LRATD2: variants seen among roughly 807,000 people sequenced by gnomAD.
The protein encoded by LRATD2 is LRAT domain containing 2.
A neutral mutation model predicts 12.0 loss-of-function variants in LRATD2; 10 were observed. That is an observed-to-expected ratio of 0.83 (90% CI 0.51 to 1.41). The LOEUF (loss-of-function observed/expected upper bound fraction) is 1.41, where lower values mean the gene tolerates loss of function less well. Among genes scored for constraint, LRATD2 ranks in the 40% most tolerant of loss-of-function variants. The pLI is 0.00. For synonymous variants in LRATD2, 220 were observed against 205.8 expected, an observed-to-expected ratio of 1.07 and a Z score of -0.59; for missense variants, 455 against 446.1, an observed-to-expected ratio of 1.02 and a Z score of -0.18.
rs1055353255 is a variant in LRATD2 at position 126,554,887 on chromosome 8, A to T, written c.*1570T>A. ...TCAAAATTCACTCAACTTTTGAGAC[A>T]GCAATGGCAATAGGCAGCAGAGAAG... On this transcript the variant is annotated 3_prime_UTR_variant, in exon 2 of 2. Coordinates refer to ENST00000304916, the MANE Select transcript of LRATD2 (RefSeq NM_174911.5). The T allele has an allele frequency of 6.6e-6, 1 of 152,108 alleles. No homozygotes were observed. The highest frequency in any genetic ancestry group is 2.1e-4 in the South Asian group (1 of 4,832). 9.4% of individuals were successfully genotyped at this position (152,108 alleles called of 1,614,324 possible).
rs1406541180 is a variant in LRATD2 at position 126,556,527 on chromosome 8, G to C, written c.863C>G (p.Thr288Ser). 2 of 1,599,964 alleles carry C rather than the reference G, an allele frequency of 1.3e-6. No homozygotes were observed. The highest frequency in any genetic ancestry group is 4.5e-5 in the East Asian group (2 of 44,398). The change falls in exon 2 of 2, where the codon ACT becomes AGT. Residue 288 changes from threonine (T) to serine (S), a missense_variant. Physicochemically the swap from Thr to Ser is moderately conservative, Grantham distance 58. Coordinates refer to ENST00000304916, the MANE Select transcript of LRATD2 (RefSeq NM_174911.5). This position sits in a 1 kb window ranked among gnomAD's most constrained non-coding sequence, Gnocchi z 5.6. ...AGGGGGGCGCCCGGGAGGCGGCGTAGTCCGCGCCACGTTGCTGTCGCCCTC... is the reference window on the plus strand; with the variant it reads ...AGGGGGGCGCCCGGGAGGCGGCGTACTCCGCGCCACGTTGCTGTCGCCCTC... ...PEEGDSNVAR[T>S]TPPPGRPPAP...
rs1817361293 is a variant in LRATD2 at position 126,555,273 on chromosome 8, ATGTGTT to A, written c.*1178_*1183del. ...AAAATAAGTATCTTACCATTGAAAT[ATGTGTT>A]CAGCCTAAGATTTTACCCACCAGCA... On this transcript the variant is annotated 3_prime_UTR_variant, in exon 2 of 2. Coordinates refer to ENST00000304916, the MANE Select transcript of LRATD2 (RefSeq NM_174911.5). 6.6e-6 allele frequency: 1 copy of A among 152,196 alleles called. No homozygotes were observed. Among genetic ancestry groups the A allele is most frequent in the African/African-American group, 2.4e-5 (1 of 41,452 alleles). 9.4% of individuals were successfully genotyped at this position (152,196 alleles called of 1,614,324 possible).
At position 126,552,984 on chromosome 8, in the gene LRATD2, A is replaced by T. The variant is rs1312649865; in HGVS notation, c.*3473T>A. On this transcript the variant is annotated 3_prime_UTR_variant, in exon 2 of 2. Transcript: ENST00000304916. ...TGGATTCCATTTTATTAAGAAAAAA[A>T]ATAGAAAACAAGTAGTCCTTAAATT... 1 of 152,680 alleles carries T rather than the reference A, an allele frequency of 6.5e-6. No individual in the cohort carries two copies. Among genetic ancestry groups the T allele is most frequent in the African/African-American group, 2.4e-5 (1 of 41,470 alleles). 9.5% of individuals were successfully genotyped at this position (152,680 alleles called of 1,614,324 possible).
At position 126,552,795 on chromosome 8, in the gene LRATD2, C is replaced by T. The variant is rs1215381591; in HGVS notation, c.*3662G>A. The T allele has an allele frequency of 6.6e-6, 1 of 152,580 alleles. No homozygotes were observed. The highest frequency in any genetic ancestry group is 1.5e-5 in the Non-Finnish European group (1 of 68,032). 9.5% of individuals were successfully genotyped at this position (152,580 alleles called of 1,614,324 possible). On this transcript the variant is annotated 3_prime_UTR_variant, in exon 2 of 2. Coordinates refer to ENST00000304916, the MANE Select transcript of LRATD2 (RefSeq NM_174911.5). ...TAGCCAAGAACAAAACAACAAAAAG[C>T]TGAATCAGTTGATAGTTACTCTGAT...
Position 126,554,561 on chromosome 8 carries a change from T to A in LRATD2, c.*1896A>T, listed in dbSNP as rs1454348565. 1 of 152,262 alleles carries A rather than the reference T, an allele frequency of 6.6e-6. No individual in the cohort carries two copies. The highest frequency in any genetic ancestry group is 1.5e-5 in the Non-Finnish European group (1 of 68,050). 9.4% of individuals were successfully genotyped at this position (152,262 alleles called of 1,614,324 possible). A position where few individuals can be genotyped will look rare whatever the true frequency, so the allele number is the denominator to read the frequency against. On this transcript the variant is annotated 3_prime_UTR_variant, in exon 2 of 2. Transcript: ENST00000304916. ...TTTTAACAATCAAAGTGGCAAGATC[T>A]GTTTGGTGATCACTGTAAAAACAGG...
At position 126,556,499 on chromosome 8, in the gene LRATD2, C is replaced by T. The variant is rs1817396640; in HGVS notation, c.891G>A (p.Ala297=). 1.3e-6 allele frequency: 2 copies of T among 1,589,620 alleles called. No individual in the cohort carries two copies. Among genetic ancestry groups the T allele is most frequent in the Admixed American group, 1.8e-5 (1 of 54,766 alleles). Residue 297 remains alanine, a synonymous_variant, in exon 2 of 2, where the codon GCG becomes GCA. Transcript: ENST00000304916. The surrounding 1 kb of genome is among the most constrained non-coding windows in gnomAD (Gnocchi z 5.6). ...RTTPPPGRPP[A]PSSEEEDGEA... The stretch of plus-strand genomic sequence containing the variant: ...CTCCGTCCTCCTCCTCGGAGCTGGG[C>T]GCAGGGGGGCGCCCGGGAGGCGGCG...
chr8:126,556,510 G>A lies in LRATD2; in HGVS notation c.880C>T (p.Arg294Cys). ...NVARTTPPPG[R>C]PPAPSSEEED... ...TCCTCGGAGCTGGGCGCAGGGGGGC[G>A]CCCGGGAGGCGGCGTAGTCCGCGCC... is the stretch of plus-strand genomic sequence containing the variant. Residue 294 changes from arginine to cysteine, a missense_variant, in exon 2 of 2, where the codon CGC becomes TGC. Coordinates refer to ENST00000304916, the MANE Select transcript of LRATD2 (RefSeq NM_174911.5). This position sits in a 1 kb window ranked among gnomAD's most constrained non-coding sequence, Gnocchi z 5.6. 1 of 1,593,154 alleles carries A rather than the reference G, an allele frequency of 6.3e-7. No individual in the cohort carries two copies. The highest frequency in any genetic ancestry group is 8.5e-7 in the Non-Finnish European group (1 of 1,171,408).
At position 126,554,185 on chromosome 8, in the gene LRATD2, G is replaced by A. The variant is rs906814444; in HGVS notation, c.*2272C>T. On this transcript the variant is annotated 3_prime_UTR_variant, in exon 2 of 2. Transcript: ENST00000304916. ...CACGCCCAGCTAATTTTCTGTATTTGTGGTAGAGACAGGGTTTCGCCATGT... is the reference window on the plus strand; with the variant it reads ...CACGCCCAGCTAATTTTCTGTATTTATGGTAGAGACAGGGTTTCGCCATGT... 1 of 152,240 alleles carries A rather than the reference G, an allele frequency of 6.6e-6. No homozygotes were observed. Among genetic ancestry groups the A allele is most frequent in the Non-Finnish European group, 1.5e-5 (1 of 68,084 alleles). The allele number at this position is 152,240 out of a possible 1,614,324, so 9.4% of individuals were successfully genotyped here. A position where few individuals can be genotyped will look rare whatever the true frequency, so the allele number is the denominator to read the frequency against.
chr8:126,556,656 T>C lies in LRATD2; in HGVS notation c.734A>G (p.Gln245Arg), dbSNP rs929174529. Reference sequence around the variant, plus strand: ...CTCCATGATCAGGTCCTCTAGACTCTGGAACTCGAGCGTGTGGCTGCGCTG... The same window carrying C: ...CTCCATGATCAGGTCCTCTAGACTCCGGAACTCGAGCGTGTGGCTGCGCTG... ...SAQRSHTLEF[Q>R]SLEDLIMEKR... Residue 245 changes from glutamine to arginine, a missense_variant, in exon 2 of 2, where the codon CAG becomes CGG. By Grantham distance (43) the Gln-to-Arg change is conservative. Transcript: ENST00000304916. The surrounding 1 kb of genome is among the most constrained non-coding windows in gnomAD (Gnocchi z 5.6). 6.2e-7 allele frequency: 1 copy of C among 1,611,932 alleles called. No homozygotes were observed. Among genetic ancestry groups the C allele is most frequent in the African/African-American group, 1.3e-5 (1 of 74,904 alleles).
rs1817417061 is a variant in LRATD2 at position 126,556,882 on chromosome 8, G to C, written c.508C>G (p.Leu170Val). The change falls in exon 2 of 2, where the codon CTG (leucine) becomes GTG (valine). Residue 170 changes from leucine (L) to valine (V), a missense_variant. Transcript: ENST00000304916. The surrounding 1 kb of genome is among the most constrained non-coding windows in gnomAD (Gnocchi z 5.6). ...GAGCTTAGCGGCTTGTAGCGGTACA[G>C]ATCGTTGACCACGCGGCCGCGACGG... ...QGRRGRVVND[L>V]YRYKPLSSSA... 1.2e-6 allele frequency: 2 copies of C among 1,607,324 alleles called. No homozygotes were observed. The highest frequency in any genetic ancestry group is 2.7e-5 in the African/African-American group (2 of 74,928).
In LRATD2 at chr8:126,556,821, C is replaced by T; in HGVS notation, c.569G>A (p.Gly190Asp). ...CCAGCTCAGCTCGCGCTCCTTGGCACCCACGTGCGCCAGCGCGTTGCGCAC... is the reference window on the plus strand; with the variant it reads ...CCAGCTCAGCTCGCGCTCCTTGGCATCCACGTGCGCCAGCGCGTTGCGCAC... The part of the protein sequence containing the change: ...AVVRNALAHV[G>D]AKERELSWRN... The change falls in exon 2 of 2, where the codon GGT (glycine) becomes GAT (aspartate). Residue 190 changes from glycine to aspartate, a missense_variant. By Grantham distance (94) the Gly-to-Asp change is moderately conservative. Coordinates refer to ENST00000304916, the MANE Select transcript of LRATD2 (RefSeq NM_174911.5). This position sits in a 1 kb window ranked among gnomAD's most constrained non-coding sequence, Gnocchi z 5.6. 1 of 1,602,640 alleles carries T rather than the reference C, an allele frequency of 6.2e-7. No homozygotes were observed.
chr8:126,556,799 G>C lies in LRATD2; in HGVS notation c.591C>G (p.Ser197Arg), dbSNP rs778889826. ...AHVGAKERELSWRNSESFAAW... is the reference protein window; with the variant it reads ...AHVGAKERELRWRNSESFAAW... Reference sequence around the variant, plus strand: ...CGGCGAAACTCTCCGAGTTGCGCCAGCTCAGCTCGCGCTCCTTGGCACCCA... The same window carrying C: ...CGGCGAAACTCTCCGAGTTGCGCCACCTCAGCTCGCGCTCCTTGGCACCCA... Residue 197 changes from serine to arginine, a missense_variant, in exon 2 of 2, where the codon AGC becomes AGG. By Grantham distance (110) the Ser-to-Arg change is moderately radical. Coordinates refer to ENST00000304916, the MANE Select transcript of LRATD2 (RefSeq NM_174911.5). The surrounding 1 kb of genome is among the most constrained non-coding windows in gnomAD (Gnocchi z 5.6). 6.3e-7 allele frequency: 1 copy of C among 1,598,700 alleles called. No individual in the cohort carries two copies. The highest frequency in any genetic ancestry group is 2.2e-5 in the East Asian group (1 of 44,508).
Position 126,557,913 on chromosome 8 carries a change from C to CA in LRATD2, c.-97+120dup, listed in dbSNP as rs1332543855. On this transcript the variant is annotated intron_variant, in intron 1 of 1. Transcript: ENST00000304916. The surrounding 1 kb of genome is among the most constrained non-coding windows in gnomAD (Gnocchi z 5.3). Reference sequence around the variant, plus strand: ...TCCCCAGAGGAACAAGCGAGGATCTCAGAGCGCGACCTGGACAGGTGAGTC... The same window carrying CA: ...TCCCCAGAGGAACAAGCGAGGATCTCAAGAGCGCGACCTGGACAGGTGAGTC... The CA allele has an allele frequency of 1.9e-5, 3 of 155,520 alleles. No homozygotes were observed. The highest frequency in any genetic ancestry group is 4.2e-5 in the Non-Finnish European group (3 of 70,688). The allele number at this position is 155,520 out of a possible 1,614,324, so 9.6% of individuals were successfully genotyped here.
Position 126,556,697 on chromosome 8 carries a change from C to T in LRATD2, c.693G>A (p.Gln231=). The stretch of plus-strand genomic sequence containing the variant: ...GGCTGCGCTGCGCCGACAGCTGAAT[C>T]TGCAGCCGGTAGGGCTGCTTGCCGA... ...LRIGKQPYRL[Q]IQLSAQRSHT... is the part of the protein sequence containing the mutation. Residue 231 remains glutamine, a synonymous_variant, in exon 2 of 2, where the codon CAG becomes CAA. Coordinates refer to ENST00000304916, the MANE Select transcript of LRATD2 (RefSeq NM_174911.5). This position sits in a 1 kb window ranked among gnomAD's most constrained non-coding sequence, Gnocchi z 5.6. The T allele has an allele frequency of 6.2e-7, 1 of 1,609,758 alleles. No homozygotes were observed.
chr8:126,557,418 G>T lies in LRATD2; in HGVS notation c.-29C>A. ...GCTGCGGACACACGTTCACACCGCCGCAAGGGGAGAAAGCGAAACCAACTC... is the reference window on the plus strand; with the variant it reads ...GCTGCGGACACACGTTCACACCGCCTCAAGGGGAGAAAGCGAAACCAACTC... On this transcript the variant is annotated 5_prime_UTR_variant, in exon 2 of 2. Transcript: ENST00000304916. The surrounding 1 kb of genome is among the most constrained non-coding windows in gnomAD (Gnocchi z 5.3). 6.2e-7 allele frequency: 1 copy of T among 1,604,910 alleles called. No homozygotes were observed. The highest frequency in any genetic ancestry group is 8.5e-7 in the Non-Finnish European group (1 of 1,177,334).
Position 126,557,406 on chromosome 8 carries a change from G to A in LRATD2, c.-17C>T, listed in dbSNP as rs746257735. 2 of 1,609,066 alleles carry A rather than the reference G, an allele frequency of 1.2e-6. No homozygotes were observed. Among genetic ancestry groups the A allele is most frequent in the East Asian group, 4.5e-5 (2 of 44,830 alleles). On this transcript the variant is annotated 5_prime_UTR_variant, in exon 2 of 2. In the 5' UTR this introduces an upstream ATG that the reference lacks. Transcript: ENST00000304916. This position sits in a 1 kb window ranked among gnomAD's most constrained non-coding sequence, Gnocchi z 5.3. ...GTTGCCCATCACGCTGCGGACACAC[G>A]TTCACACCGCCGCAAGGGGAGAAAG... is the stretch of plus-strand genomic sequence containing the variant.
rs1194036277 is a variant in LRATD2 at position 126,557,438 on chromosome 8, C to T, written c.-49G>A. ...CCGCCGCAAGGGGAGAAAGCGAAAC[C>T]AACTCCAGGGTCATTTGCACAGGTC... On this transcript the variant is annotated 5_prime_UTR_variant, in exon 2 of 2. Transcript: ENST00000304916. The surrounding 1 kb of genome is among the most constrained non-coding windows in gnomAD (Gnocchi z 5.3). The T allele has an allele frequency of 6.3e-7, 1 of 1,591,478 alleles. No individual in the cohort carries two copies. Among genetic ancestry groups the T allele is most frequent in the African/African-American group, 1.4e-5 (1 of 73,862 alleles).
rs1817348178 is a variant in LRATD2, at chr8:126,554,662, T to C, written c.*1795A>G. ...TTAAAGACTATGGCCTCAACGTCCA[T>C]GTGTGAAACAAGTGTATTAGAAAAT... On this transcript the variant is annotated 3_prime_UTR_variant, in exon 2 of 2. Transcript: ENST00000304916. The C allele has an allele frequency of 1.3e-5, 2 of 152,340 alleles. No individual in the cohort carries two copies. Among genetic ancestry groups the C allele is most frequent in the Admixed American group, 6.5e-5 (1 of 15,302 alleles). 9.4% of individuals were successfully genotyped at this position (152,340 alleles called of 1,614,324 possible).
In LRATD2 at chr8:126,554,810, T is replaced by C. The variant is rs989971836; in HGVS notation, c.*1647A>G. 1.3e-5 allele frequency: 2 copies of C among 151,086 alleles called. No homozygotes were observed. The highest frequency in any genetic ancestry group is 2.9e-5 in the Non-Finnish European group (2 of 67,914). 9.4% of individuals were successfully genotyped at this position (151,086 alleles called of 1,614,324 possible). A position where few individuals can be genotyped will look rare whatever the true frequency, so the allele number is the denominator to read the frequency against. On this transcript the variant is annotated 3_prime_UTR_variant, in exon 2 of 2. Transcript: ENST00000304916. Reference sequence around the variant, plus strand: ...CAGAATCATATCACAAAATGACTTGTACACAGTAGTTTACAACGACTCCCA... The same window carrying C: ...CAGAATCATATCACAAAATGACTTGCACACAGTAGTTTACAACGACTCCCA...
Sources: allele counts gnomAD v4.1 joint callset, GRCh38; gene constraint gnomAD v4.1.1; non-coding constraint Gnocchi (gnomAD v3.1); transcripts MANE v1.5; gene names NCBI Gene and HGNC (gene_info 2026-07-23, HGNC 2026-07-21).